FGFR2: variants seen among roughly 807,000 people sequenced by gnomAD.
FGFR2 encodes the protein BEK fibroblast growth factor receptor.
FGFR2 carries 19 observed loss-of-function variants against 95.9 expected under a neutral mutation model. The ratio of observed to expected loss-of-function variants is 0.20; its 90% CI spans 0.14 to 0.29. FGFR2 has a LOEUF of 0.29. FGFR2 is among the 10% of genes least tolerant of loss of function. The pLI is 1.00. For missense variants in FGFR2, 707 were observed against 1,056.9 expected, an observed-to-expected ratio of 0.67 and a Z score of 4.59; for synonymous variants, 392 against 393.3, an observed-to-expected ratio of 1.00 and a Z score of 0.04.
intron 2 of FGFR2, among the ~76,000 whole-genome samples, chr10:121,588,270 G>C (rs1295121843): frequency 1.3e-5 from 2 of 152,026 alleles, no homozygotes; most frequent in Admixed American, 1.3e-4. Context: ...AGGAGAGAGA[G>C]GAGCAGAAAA....
In FGFR2 at chr10:121,566,953, G is replaced by A. The variant is rs144608531; in HGVS notation, c.110-1249C>T. 2.6e-5 allele frequency among the ~76,000 whole-genome samples: 4 copies of A among 152,222 alleles called. No homozygotes were observed. The East Asian group carries it at 7.7e-4, about 29-fold the overall frequency. ...CTGGCATTTATTAATAACAACAGCT[G>A]GAGCGGCCAGCTGGGATGGCCACGA... On this transcript the variant is annotated intron_variant, in intron 2 of 17. Transcript: ENST00000358487.
At chr10:121,562,101 C>T (rs1857068021) in intron 4 of FGFR2, among the ~76,000 whole-genome samples, 1 of 152,144 alleles carries the variant, frequency 6.6e-6, no homozygotes, top group Admixed American at 6.5e-5. Context: ...ATGGTGCAGC[C>T]ACTTTGCAAG....
intron 4 of FGFR2, among the ~76,000 whole-genome samples, chr10:121,562,021 C>T (rs1237476964): frequency 6.6e-6 from 1 of 152,144 alleles, no homozygotes; most frequent in African/African-American, 2.4e-5. Flanking sequence ...TGGCCAAAAT[C>T]CAGAACACCA....
At position 121,503,625 on chromosome 10, in the gene FGFR2, T is replaced by C. The variant is rs41295591; in HGVS notation, c.1439+165A>G. Among the ~76,000 whole-genome samples the C allele has an allele frequency of 0.01, 1,543 of 152,298 alleles. 30 individuals are homozygous for C. The highest frequency in any genetic ancestry group is 0.035 in the African/African-American group (1,464 of 41,552). On this transcript the variant is annotated intron_variant, in intron 10 of 17. Transcript: ENST00000358487. ...AGTTATTTTTTTTTTTAAATCCATT[T>C]TTTTCTTTTCCAGGAGTTGGTTATT...
chr10:121,488,560 GAAAGA>G (rs1845735522), intron 13 of FGFR2, among the ~76,000 whole-genome samples: 19 of 134,902 alleles, frequency 1.4e-4, no homozygotes, highest in Admixed American at 7.6e-5. Flanking sequence ...AAAAAAAAAA[GAAAGA>G]AAAGAAAAGA....
chr10:121,572,161 A>C (rs1225970838), intron 2 of FGFR2, among the ~76,000 whole-genome samples: 2 of 131,482 alleles, frequency 1.5e-5, no homozygotes, highest in Non-Finnish European at 3.2e-5. Context: ...AAAAAATGAA[A>C]AAAAAAAAAA....
intron 6 of FGFR2, chr10:121,538,167 AG>A (rs1853134616): frequency 1.7e-6 from 1 of 596,408 alleles, no homozygotes; most frequent in Non-Finnish European, 3.0e-6. Flanking sequence ...CCACAGGCTC[AG>A]TCCTCAGACC....
At chr10:121,526,220 A>G (rs983214562) in intron 6 of FGFR2, 7 of 398,520 alleles carry the variant, frequency 1.8e-5, no homozygotes, top group Non-Finnish European at 4.4e-6. Context: ...ACATTCTGCG[A>G]TTTGGAGGAC....
At chr10:121,564,826 T>C (rs1168617244) in intron 3 of FGFR2, among the ~76,000 whole-genome samples, 2 of 152,174 alleles carry the variant, frequency 1.3e-5, no homozygotes, top group East Asian at 1.9e-4. Flanking sequence ...TAAAATTGGA[T>C]ATATGAGAAC....
intron 9 of FGFR2, among the ~76,000 whole-genome samples, chr10:121,506,939 A>G (rs1417963946): frequency 6.6e-6 from 1 of 152,274 alleles, no homozygotes; most frequent in Admixed American, 6.5e-5. Flanking sequence ...GAGCTGAGGC[A>G]TGAACAACGG....
intron 10 of FGFR2, 37 bp from the exon 11 acceptor site, chr10:121,500,984 G>T: frequency 6.2e-7 from 1 of 1,611,590 alleles, no homozygotes. Context: ...CATAGCATCT[G>T]GTGATGGGGT....
intron 13 of FGFR2, among the ~76,000 whole-genome samples, chr10:121,493,568 G>A (rs538453545): frequency 6.6e-6 from 1 of 152,262 alleles, no homozygotes; most frequent in East Asian, 1.9e-4. Context: ...GTGCCTGCTC[G>A]GCCTCCGCTG....
intron 2 of FGFR2, among the ~76,000 whole-genome samples, chr10:121,571,362 G>A (rs1371605881): frequency 2.2e-5 from 3 of 135,852 alleles, no homozygotes; most frequent in Admixed American, 8.6e-5. Context: ...GCAGTGGTGC[G>A]ATCTCGGCTC....
chr10:121,496,513 T>C lies in FGFR2; in HGVS notation c.1863+19A>G, dbSNP rs1164060462. On this transcript the variant is annotated intron_variant, in intron 13 of 17. Transcript: ENST00000358487. Reference sequence around the variant, plus strand: ...TTTAGTTGGATTCCACCCAGCCAAGTAGAATGTGAAAGACTCACTTTTTGG... The same window carrying C: ...TTTAGTTGGATTCCACCCAGCCAAGCAGAATGTGAAAGACTCACTTTTTGG... The C allele has an allele frequency of 5.0e-6, 8 of 1,613,534 alleles. No homozygotes were observed. The highest frequency in any genetic ancestry group is 2.2e-5 in the East Asian group (1 of 44,880).
chr10:121,598,285 G>A lies in FGFR2; in HGVS notation c.-474C>T, dbSNP rs994641920. The A allele has an allele frequency of 1.1e-5, 4 of 378,928 alleles. No individual in the cohort carries two copies. The Admixed American group carries it at 1.4e-4, about 13-fold the overall frequency. 23.5% of individuals were successfully genotyped at this position (378,928 alleles called of 1,614,324 possible). On this transcript the variant is annotated 5_prime_UTR_variant, in exon 1 of 18. Transcript: ENST00000358487. ...GCAAGCTGCGGCCTCGGGGCCCCCG[G>A]GGCTCGCGGCCGGCCCCCGCCAGCC...
chr10:121,479,323 G>A lies in FGFR2; in HGVS notation c.*534C>T. ...CTCGGTGAAAATTAAGAAATTATGTGTAAGAACAGCATTTAGCAAATAGCT... is the reference window on the plus strand; with the variant it reads ...CTCGGTGAAAATTAAGAAATTATGTATAAGAACAGCATTTAGCAAATAGCT... On this transcript the variant is annotated 3_prime_UTR_variant, in exon 18 of 18. Coordinates refer to ENST00000358487, the MANE Select transcript of FGFR2 (RefSeq NM_000141.5). 1 of 266,944 alleles carries A rather than the reference G, an allele frequency of 3.7e-6. No individual in the cohort carries two copies. The highest frequency in any genetic ancestry group is 2.2e-5 in the African/African-American group (1 of 46,116). 16.5% of individuals were successfully genotyped at this position (266,944 alleles called of 1,614,324 possible).
In FGFR2 at chr10:121,584,031, C is replaced by CCAT. The variant is rs772136875; in HGVS notation, c.109+9675_109+9677dup. ...AAATGGTAGCCAGTTATCATCATCA[C>CCAT]CATCATCATCATCATCATCTCAAGG... On this transcript the variant is annotated intron_variant, in intron 2 of 17. Transcript: ENST00000358487. Among the ~76,000 whole-genome samples the CCAT allele has an allele frequency of 7.9e-5, 12 of 151,974 alleles. No homozygotes were observed. In the East Asian group the frequency reaches 1.5e-3, roughly 20 times the overall value.
intron 13 of FGFR2, among the ~76,000 whole-genome samples, chr10:121,489,102 T>C (rs1021589013): frequency 2.6e-5 from 4 of 152,136 alleles, no homozygotes; most frequent in Admixed American, 1.3e-4. Context: ...CATGGAGTCT[T>C]GTCCTTGTCG....
intron 1 of FGFR2, chr10:121,596,416 C>G (rs1304377826): frequency 5.1e-6 from 1 of 195,250 alleles, no homozygotes; most frequent in Non-Finnish European, 1.1e-5. Flanking sequence ...ACAGTGCCCT[C>G]CGCTTTGGGC....
Sources: gnomAD v4.1 joint callset for allele counts (sites outside exome capture counted in the v4.1 genomes callset) on GRCh38, gnomAD v4.1.1 for gene constraint, MANE v1.5 for transcripts, NCBI Gene and HGNC (gene_info 2026-07-23, HGNC 2026-07-21) for gene names.